C18orf54: variants seen among roughly 807,000 people sequenced by gnomAD.
The protein encoded by C18orf54 is chromosome 18 open reading frame 54, also known as lung adenoma susceptibility protein 2.
In C18orf54, 49 loss-of-function variants were observed where a neutral mutation model predicts 49.3. That is an observed-to-expected ratio of 0.99 (90% CI 0.79 to 1.26). The LOEUF (loss-of-function observed/expected upper bound fraction) is 1.26, where lower values mean the gene tolerates loss of function less well. C18orf54 is among the 50% of genes most tolerant of loss of function. The pLI, the probability that C18orf54 is intolerant of heterozygous loss-of-function variation, is 0.00. For missense variants in C18orf54, 687 were observed against 620.6 expected, an observed-to-expected ratio of 1.11 and a Z score of -1.14; for synonymous variants, 211 against 216.6, an observed-to-expected ratio of 0.97 and a Z score of 0.23.
intron 3 of C18orf54, among the ~76,000 whole-genome samples, 172 bp from the exon 4 acceptor site, chr18:54,361,471 A>G (rs1599324944): frequency 6.6e-6 from 1 of 152,190 alleles, no homozygotes; most frequent in Admixed American, 6.5e-5. Flanking sequence ...GAATCGTGAG[A>G]AAAAAAGCAC....
intron 2 of C18orf54, among the ~76,000 whole-genome samples, chr18:54,359,238 A>T (rs1414186719): frequency 2.6e-5 from 4 of 152,258 alleles, no homozygotes; most frequent in Non-Finnish European, 5.9e-5. Context: ...GACAGAAAAC[A>T]TTTGGTCAGG....
rs1316755055 is a variant in C18orf54 at position 54,380,766 on chromosome 18, A to G, written c.*2520A>G. 6.6e-6 allele frequency: 1 copy of G among 152,166 alleles called. No individual in the cohort carries two copies. The highest frequency in any genetic ancestry group is 1.5e-5 in the Non-Finnish European group (1 of 67,988). 9.4% of individuals were successfully genotyped at this position (152,166 alleles called of 1,614,324 possible). A position where few individuals can be genotyped will look rare whatever the true frequency, so the allele number is the denominator to read the frequency against. On this transcript the variant is annotated 3_prime_UTR_variant, in exon 9 of 9. Transcript: ENST00000620105. ...AGTTATACCAAAATATTGCCTGAAG[A>G]TAAATCATGACAAGGTCCCCTGTTT...
rs538740120 is a variant in C18orf54, at chr18:54,365,110, A to G, written c.1224-609A>G. On this transcript the variant is annotated intron_variant, in intron 5 of 8. Coordinates refer to ENST00000620105, the MANE Select transcript of C18orf54 (RefSeq NM_001288980.2). ...ATAGAAAATTAATTCAGTTTATGCA[A>G]TATGTCTGTGAGATAGATGGGACTA... 4.6e-5 allele frequency among the ~76,000 whole-genome samples: 7 copies of G among 152,134 alleles called. No homozygotes were observed. In the East Asian group the frequency reaches 7.7e-4, roughly 17 times the overall value.
rs7234566 is a variant in C18orf54 at position 54,357,945 on chromosome 18, G to A, written c.-274G>A. On this transcript the variant is annotated 5_prime_UTR_variant, in exon 1 of 9. Transcript: ENST00000620105. ...GTTTGAAAGCGAGCGCGGGTGTCGA[G>A]CTCTGCTGTGACTGCGGAGGAAGCT... The A allele has an allele frequency of 1.3e-5, 2 of 152,322 alleles. No homozygotes were observed. Among genetic ancestry groups the A allele is most frequent in the Non-Finnish European group, 2.9e-5 (2 of 68,158 alleles). 9.4% of individuals were successfully genotyped at this position (152,322 alleles called of 1,614,324 possible). A position where few individuals can be genotyped will look rare whatever the true frequency, so the allele number is the denominator to read the frequency against.
intron 7 of C18orf54, among the ~76,000 whole-genome samples, chr18:54,372,813 A>G (rs978324001): frequency 2.0e-5 from 3 of 151,856 alleles, no homozygotes; most frequent in African/African-American, 7.2e-5. Flanking sequence ...AGATTGTTCT[A>G]TTATGGTTAT....
At chr18:54,372,383 T>G (rs963471097) in intron 6 of C18orf54, 83 bp from the exon 7 acceptor site, 1 of 1,213,710 alleles carries the variant, frequency 8.2e-7, no homozygotes, top group Admixed American at 2.9e-5. Context: ...TAATTTTCTA[T>G]TGGGGAAATT....
At chr18:54,374,001 G>A (rs1220798011) in intron 7 of C18orf54, among the ~76,000 whole-genome samples, 1 of 151,826 alleles carries the variant, frequency 6.6e-6, no homozygotes, top group Non-Finnish European at 1.5e-5. Flanking sequence ...GGACATATGT[G>A]TAGAAGTATA....
At position 54,362,055 on chromosome 18, in the gene C18orf54, T is replaced by A; in HGVS notation, c.696T>A (p.Ser232Arg). Residue 232 changes from serine to arginine, a missense_variant, in exon 4 of 9, where the codon AGT becomes AGA. Ser to Arg is a moderately radical substitution (Grantham distance 110). Coordinates refer to ENST00000620105, the MANE Select transcript of C18orf54 (RefSeq NM_001288980.2). ...CTTTCAAGGACAGTTCAGAACACAG[T>A]CTTGAAAAGAATTACCCAAGATGGC... is the stretch of plus-strand genomic sequence containing the variant. ...KSSFKDSSEH[S>R]LEKNYPRWLT... The A allele has an allele frequency of 1.9e-6, 3 of 1,560,222 alleles. No homozygotes were observed. The highest frequency in any genetic ancestry group is 1.2e-5 in the South Asian group (1 of 86,006).
At chr18:54,363,139 C>T (rs371358865) in intron 5 of C18orf54, among the ~76,000 whole-genome samples, 2 of 152,136 alleles carry the variant, frequency 1.3e-5, no homozygotes, top group South Asian at 2.1e-4. Context: ...GTCTTTGTTA[C>T]GTACTCATTT....
rs973862653 is a variant in C18orf54 at position 54,379,932 on chromosome 18, A to G, written c.*1686A>G. On this transcript the variant is annotated 3_prime_UTR_variant, in exon 9 of 9. Coordinates refer to ENST00000620105, the MANE Select transcript of C18orf54 (RefSeq NM_001288980.2). ...TTAGTGCTCCTATTCATGAGAACAT[A>G]TCTCCAATACTAAATGAGATAAGCC... is the stretch of plus-strand genomic sequence containing the variant. 1.5e-4 allele frequency: 23 copies of G among 152,260 alleles called. No individual in the cohort carries two copies. The highest frequency in any genetic ancestry group is 2.4e-5 in the African/African-American group (1 of 41,578). The allele number at this position is 152,260 out of a possible 1,614,324, so 9.4% of individuals were successfully genotyped here.
At chr18:54,360,102 C>T (rs2089233292) in intron 2 of C18orf54, among the ~76,000 whole-genome samples, 1 of 151,998 alleles carries the variant, frequency 6.6e-6, no homozygotes, top group South Asian at 2.1e-4. Flanking sequence ...TTATTGAGCG[C>T]TATTATCTGC....
At chr18:54,361,509 T>C in intron 3 of C18orf54, 134 bp from the exon 4 acceptor site, 1 of 730,226 alleles carries the variant, frequency 1.4e-6, no homozygotes. Flanking sequence ...TACACCTTTT[T>C]ATGCTTTTAA....
In C18orf54 at chr18:54,357,923, T is replaced by C. The variant is rs979298020; in HGVS notation, c.-296T>C. 8 of 152,212 alleles carry C rather than the reference T, an allele frequency of 5.3e-5. No homozygotes were observed. The highest frequency in any genetic ancestry group is 1.9e-4 in the African/African-American group (8 of 41,418). 9.4% of individuals were successfully genotyped at this position (152,212 alleles called of 1,614,324 possible). A position where few individuals can be genotyped will look rare whatever the true frequency, so the allele number is the denominator to read the frequency against. On this transcript the variant is annotated 5_prime_UTR_variant, in exon 1 of 9. Coordinates refer to ENST00000620105, the MANE Select transcript of C18orf54 (RefSeq NM_001288980.2). ...AGGCCGGCGCCATGTTGGGGCGGTT[T>C]GAAAGCGAGCGCGGGTGTCGAGCTC...
In C18orf54 at chr18:54,360,695, A is replaced by G. The variant is rs145211389; in HGVS notation, c.123A>G (p.Lys41=). Residue 41 remains lysine, a synonymous_variant, in exon 3 of 9, where the codon AAA becomes AAG. Coordinates refer to ENST00000620105, the MANE Select transcript of C18orf54 (RefSeq NM_001288980.2). ...ATTCTGATGGCTCGTTTCACTATAA[A>G]GATAAGCTGTACAGATCTGCTTCTC... ...SSNSDGSFHY[K]DKLYRSASQA... 65 of 1,613,994 alleles carry G rather than the reference A, an allele frequency of 4.0e-5. 1 individual carries two copies. In the South Asian group the frequency reaches 6.6e-4, roughly 16 times the overall value.
At chr18:54,361,198 G>A (rs185920089) in intron 3 of C18orf54, among the ~76,000 whole-genome samples, 83 of 152,286 alleles carry the variant, frequency 5.5e-4, no homozygotes, top group Middle Eastern at 6.8e-3. Flanking sequence ...ATATATTCCG[G>A]AAGCAAAGAA....
Position 54,378,312 on chromosome 18 carries a change from A to G in C18orf54, c.*66A>G, listed in dbSNP as rs2089611137. 1 of 1,334,096 alleles carries G rather than the reference A, an allele frequency of 7.5e-7. No homozygotes were observed. The highest frequency in any genetic ancestry group is 1.5e-5 in the African/African-American group (1 of 68,354). 82.6% of individuals were successfully genotyped at this position (1,334,096 alleles called of 1,614,324 possible). A position where few individuals can be genotyped will look rare whatever the true frequency, so the allele number is the denominator to read the frequency against. ...AGAACAAATAGGCATTTTTTCTATTACTTAAACTGACAAAGTAAATATAAG... is the reference window on the plus strand; with the variant it reads ...AGAACAAATAGGCATTTTTTCTATTGCTTAAACTGACAAAGTAAATATAAG... On this transcript the variant is annotated 3_prime_UTR_variant, in exon 9 of 9. Transcript: ENST00000620105.
Position 54,374,301 on chromosome 18 carries a change from A to G in C18orf54, c.1529+17A>G. 3.2e-6 allele frequency: 5 copies of G among 1,554,174 alleles called. No individual in the cohort carries two copies. Among genetic ancestry groups the G allele is most frequent in the Admixed American group, 4.0e-5 (2 of 49,844 alleles). On this transcript the variant is annotated intron_variant, in intron 8 of 8. Transcript: ENST00000620105. ...ACTTCAGAAGTAAGTATTCTTTACT[A>G]ATATGGATACAAATCCATCTTAGCC...
intron 5 of C18orf54, among the ~76,000 whole-genome samples, chr18:54,364,209 G>A (rs759497402): frequency 2.0e-5 from 3 of 151,180 alleles, no homozygotes; most frequent in Non-Finnish European, 4.4e-5. Flanking sequence ...TATCCTTCTT[G>A]TGTCCTAGTT....
intron 5 of C18orf54, among the ~76,000 whole-genome samples, chr18:54,364,282 AT>A (rs1471393524): frequency 6.6e-6 from 1 of 152,036 alleles, no homozygotes; most frequent in Non-Finnish European, 1.5e-5. Context: ...TTTGATTTTA[AT>A]TGGAACCAAA....
Sources: allele counts gnomAD v4.1 joint callset (sites outside exome capture counted in the v4.1 genomes callset), GRCh38; gene constraint gnomAD v4.1.1; transcripts MANE v1.5; gene names NCBI Gene and HGNC (gene_info 2026-07-23, HGNC 2026-07-21).